The following ANKRD36C variants were observed in gnomAD, a reference collection of about 807,000 sequenced individuals.
ANKRD36C encodes the protein ankyrin repeat domain 36C, also known as ankyrin repeat domain-containing protein 36C.
ANKRD36C carries 61 observed loss-of-function variants against 276.4 expected under a neutral mutation model. The observed-to-expected ratio is 0.22, with a 90% CI of 0.18 to 0.27. ANKRD36C has a LOEUF of 0.27. ANKRD36C is among the 10% of genes least tolerant of loss of function. The probability of loss-of-function intolerance (pLI) is 1.00; values close to 1 mark genes in which losing one functional copy is unlikely to be tolerated. For missense variants in ANKRD36C, 1,447 were observed against 2,032.3 expected (o/e 0.71, Z 5.54); for synonymous variants, 483 against 680.1 (o/e 0.71, Z 4.51).
At chr2:95,909,681 A>G (rs12470620) in intron 42 of ANKRD36C, among the ~76,000 whole-genome samples, 6,576 of 149,382 alleles carry the variant, frequency 0.044, 383 homozygotes, top group Admixed American at 0.16. Flanking sequence ...ACTAAAATCA[A>G]CAAAACATGT....
chr2:95,991,218 C>T (rs1334357053), intron 1 of ANKRD36C, among the ~76,000 whole-genome samples: 4 of 126,710 alleles, frequency 3.2e-5, no homozygotes, highest in Non-Finnish European at 5.0e-5. Flanking sequence ...CTCCCCACCC[C>T]ACACCCCCTA....
chr2:95,915,590 C>T (rs62153700), intron 38 of ANKRD36C, among the ~76,000 whole-genome samples: 33,240 of 151,320 alleles, frequency 0.22, 4,912 homozygotes, highest in East Asian at 0.34. Context: ...CAGTGTCTAC[C>T]GGTTATTATG....
At chr2:95,949,702 T>G (rs1010471768) in intron 16 of ANKRD36C, among the ~76,000 whole-genome samples, 1 of 152,294 alleles carries the variant, frequency 6.6e-6, no homozygotes, top group African/African-American at 2.4e-5. Flanking sequence ...TCTGATTTAC[T>G]GTATCCAAAT....
chr2:95,967,938 A>C (rs1338461816), intron 6 of ANKRD36C, among the ~76,000 whole-genome samples: 2 of 152,072 alleles, frequency 1.3e-5, no homozygotes, highest in African/African-American at 4.8e-5. Flanking sequence ...AAATACAAAA[A>C]AAAATTAGCT....
At chr2:95,974,150 G>A (rs1678757363) in intron 6 of ANKRD36C, among the ~76,000 whole-genome samples, 1 of 152,134 alleles carries the variant, frequency 6.6e-6, no homozygotes. Context: ...ACCAATATTT[G>A]AAGAAATATA....
chr2:95,856,318 G>A (rs967723884), intron 62 of ANKRD36C, 138 bp from the exon 83 acceptor site: 1 of 1,503,106 alleles, frequency 6.7e-7, no homozygotes, highest in Non-Finnish European at 8.8e-7. Flanking sequence ...GAAAAAAGAA[G>A]TTGAGTCAAA....
At position 95,923,497 on chromosome 2, in the gene ANKRD36C, G is replaced by A. The variant is rs758636261; in HGVS notation, c.2141C>T (p.Thr714Ile). 3.8e-5 allele frequency: 61 copies of A among 1,610,578 alleles called. No homozygotes were observed. The African/African-American group carries it at 7.9e-4, about 21-fold the overall frequency. ...TTTAATGTGTTTTGCAAAATTACCT[G>A]TCCCACATTGTAGTCCATCCTTTAT... Residue 714 changes from threonine (T) to isoleucine (I), a missense_variant and splice_region_variant, in exon 32 of 67, where the codon ACA (threonine) becomes ATA (isoleucine). Around this residue, in one of 13 missense-constraint regions of ANKRD36C, gnomAD observed 565 missense variants for 539.5 expected, o/e 1.05. Transcript: ENST00000456556.
chr2:95,918,187 G>A, intron 34 of ANKRD36C, 145 bp from the exon 37 acceptor site: 1 of 1,347,182 alleles, frequency 7.4e-7, no homozygotes. Flanking sequence ...CTTGGGACTG[G>A]AACATGACAG....
chr2:95,860,176 A>C, intron 60 of ANKRD36C, 102 bp from the exon 81 acceptor site: 2 of 912,166 alleles, frequency 2.2e-6, no homozygotes, highest in Non-Finnish European at 3.4e-6. Context: ...ATGTTGAACA[A>C]GTATGTACAT....
Position 95,971,976 on chromosome 2 carries a change from G to A in ANKRD36C, c.799+6146C>T, listed in dbSNP as rs2579544. Among the ~76,000 whole-genome samples the A allele has an allele frequency of 1.4e-4, 22 of 152,132 alleles. No homozygotes were observed. In the East Asian group the frequency reaches 1.5e-3, roughly 11 times the overall value. The stretch of plus-strand genomic sequence containing the variant: ...TATTTCATATTAAGTTGCAACTGAC[G>A]CAAATGAAATAAGCACCATGCTATG... On this transcript the variant is annotated intron_variant, in intron 6 of 66. Coordinates refer to ENST00000456556, the Ensembl canonical transcript of ANKRD36C.
chr2:95,983,457 C>A (rs1678960687), intron 3 of ANKRD36C, among the ~76,000 whole-genome samples: 2 of 151,302 alleles, frequency 1.3e-5, no homozygotes, highest in Non-Finnish European at 2.9e-5. Flanking sequence ...TAATTCTTAC[C>A]TAACTTTTTT....
intron 50 of ANKRD36C, among the ~76,000 whole-genome samples, chr2:95,887,187 T>C (rs1252545406): frequency 2.0e-5 from 3 of 151,778 alleles, no homozygotes; most frequent in Non-Finnish European, 2.9e-5. Context: ...GAAGCCAATG[T>C]ATTCATATTC....
intron 12 of ANKRD36C, 95 bp downstream of exon 12, chr2:95,958,496 G>A (rs1476580309): frequency 6.2e-6 from 9 of 1,454,310 alleles, no homozygotes; most frequent in Admixed American, 2.1e-5. Flanking sequence ...ATCAGAATGC[G>A]CAGCTTCAAT....
At position 95,930,755 on chromosome 2, in the gene ANKRD36C, C is replaced by A. The variant is rs1677542617; in HGVS notation, c.1736-1488G>T. ...TCCTTTTTTTTAAAATCTAGTTTCA[C>A]ATGATATACCATCGGGGTCTCTCAG... On this transcript the variant is annotated intron_variant, in intron 24 of 66. Transcript: ENST00000456556. Among the ~76,000 whole-genome samples, 3 of 151,024 alleles carry A rather than the reference C, an allele frequency of 2.0e-5. No individual in the cohort carries two copies. The South Asian group carries it at 6.3e-4, about 31-fold the overall frequency.
chr2:95,923,502 A>C (rs747125427), exon 32 of ANKRD36C: 9 of 1,610,800 alleles, frequency 5.6e-6, no homozygotes, highest in Admixed American at 3.3e-5. Flanking sequence ...TACCTGTCCC[A>C]CATTGTAGTC....
intron 32 of ANKRD36C, among the ~76,000 whole-genome samples, chr2:95,923,184 C>T (rs984017730): frequency 7.3e-5 from 11 of 151,530 alleles, no homozygotes; most frequent in African/African-American, 2.7e-4. Flanking sequence ...ATTCTCCTTC[C>T]ACCCTTGGTG....
chr2:95,966,664 T>A (rs1016670437), intron 6 of ANKRD36C, among the ~76,000 whole-genome samples: 1 of 152,178 alleles, frequency 6.6e-6, no homozygotes, highest in Non-Finnish European at 1.5e-5. Context: ...TTTGGTTCCA[T>A]ATGAAATTTA....
At chr2:95,970,484 T>C (rs1370965491) in intron 6 of ANKRD36C, among the ~76,000 whole-genome samples, 2 of 152,070 alleles carry the variant, frequency 1.3e-5, no homozygotes, top group Non-Finnish European at 2.9e-5. Context: ...CTTTCTAATA[T>C]ATAAAATATA....
intron 3 of ANKRD36C, 63 bp downstream of exon 3, chr2:95,986,688 A>G: frequency 7.1e-7 from 1 of 1,407,740 alleles, no homozygotes; most frequent in Non-Finnish European, 9.5e-7. Context: ...TGACCCTTAC[A>G]TGTGTCAATG....
Sources: allele counts gnomAD v4.1 joint callset (sites outside exome capture counted in the v4.1 genomes callset), GRCh38; gene constraint gnomAD v4.1.1; regional missense constraint gnomAD v4.1.1; transcripts MANE v1.5; gene names NCBI Gene and HGNC (gene_info 2026-07-23, HGNC 2026-07-21).